IFRD2: variants seen among roughly 807,000 people sequenced by gnomAD.
IFRD2 encodes interferon related developmental regulator 2.
A neutral mutation model predicts 49.2 loss-of-function variants in IFRD2; 35 were observed. That is an observed-to-expected ratio of 0.71 (90% CI 0.54 to 0.94). The LOEUF (loss-of-function observed/expected upper bound fraction) is 0.94, where lower values mean the gene tolerates loss of function less well. Among genes scored for constraint, IFRD2 ranks in the 40% least tolerant of loss-of-function variants. The pLI is 0.00. For missense variants in IFRD2, 561 were observed against 591.6 expected (o/e 0.95, Z 0.54); for synonymous variants, 275 against 239.7 (o/e 1.15, Z -1.36).
chr3:50,288,123 G>T lies in IFRD2; in HGVS notation c.*68C>A. The stretch of plus-strand genomic sequence containing the variant: ...TGACAAATACTGGTGGAGACCAGTT[G>T]TTGCACTGTCTTCTGTTAAAAATAC... On this transcript the variant is annotated 3_prime_UTR_variant, in exon 12 of 12. Transcript: ENST00000417626. 1 of 1,305,488 alleles carries T rather than the reference G, an allele frequency of 7.7e-7. No individual in the cohort carries two copies. The highest frequency in any genetic ancestry group is 1.1e-6 in the Non-Finnish European group (1 of 913,218). 80.9% of individuals were successfully genotyped at this position (1,305,488 alleles called of 1,614,324 possible).
rs1253238028 is a variant in IFRD2, at chr3:50,291,556, G to C, written c.58+661C>G. Among the ~76,000 whole-genome samples, 3 of 152,128 alleles carry C rather than the reference G, an allele frequency of 2.0e-5. No homozygotes were observed. The East Asian group carries it at 5.8e-4, about 29-fold the overall frequency. On this transcript the variant is annotated intron_variant, in intron 1 of 11. Coordinates refer to ENST00000417626, the MANE Select transcript of IFRD2 (RefSeq NM_006764.5). ...CCCCCACCCAAAACCCACCATGGTG[G>C]TGACCAGTTTAAAGTTGTGCCTAGG...
In IFRD2 at chr3:50,289,261, G is replaced by T. The variant is rs368999385; in HGVS notation, c.879C>A (p.Asp293Glu). The T allele has an allele frequency of 5.5e-5, 87 of 1,573,166 alleles. No homozygotes were observed. The highest frequency in any genetic ancestry group is 6.8e-5 in the Non-Finnish European group (79 of 1,159,596). Residue 293 changes from aspartate (D) to glutamate (E), a missense_variant, in exon 8 of 12, where the codon GAC (aspartate) becomes GAA (glutamate). By Grantham distance (45) the Asp-to-Glu change is conservative. Transcript: ENST00000417626. ...CCATCCTTGTCCCTCGCACCTCAAG[G>T]TCCCGGGCAAGCTCAAAGAGCAGTG... is the stretch of plus-strand genomic sequence containing the variant. ...TIALLFELAR[D>E]LEEEFVYEDM...
In IFRD2 at chr3:50,289,099, G is replaced by A. The variant is rs1701618175; in HGVS notation, c.885+156C>T. The A allele has an allele frequency of 3.4e-6, 4 of 1,173,542 alleles. No homozygotes were observed. In the South Asian group the frequency reaches 4.4e-5, roughly 13 times the overall value. 72.7% of individuals were successfully genotyped at this position (1,173,542 alleles called of 1,614,324 possible). A position where few individuals can be genotyped will look rare whatever the true frequency, so the allele number is the denominator to read the frequency against. ...TGTCAGGCCAGGACACCACTGCTGA[G>A]GGCACCCATCATGACATCTAGGAGA... is the stretch of plus-strand genomic sequence containing the variant. On this transcript the variant is annotated intron_variant, in intron 8 of 11. Transcript: ENST00000417626.
chr3:50,292,207 C>T lies in IFRD2; in HGVS notation c.58+10G>A. The T allele has an allele frequency of 1.4e-6, 2 of 1,457,794 alleles. No individual in the cohort carries two copies. Among genetic ancestry groups the T allele is most frequent in the Non-Finnish European group, 1.8e-6 (2 of 1,106,598 alleles). 90.3% of individuals were successfully genotyped at this position (1,457,794 alleles called of 1,614,324 possible). On this transcript the variant is annotated intron_variant, in intron 1 of 11. Coordinates refer to ENST00000417626, the MANE Select transcript of IFRD2 (RefSeq NM_006764.5). Reference sequence around the variant, plus strand: ...TCATACAGCTGTCCCGCGCCCCCCACCCCACTCACCTCCTCCACGGCGCTG... The same window carrying T: ...TCATACAGCTGTCCCGCGCCCCCCATCCCACTCACCTCCTCCACGGCGCTG...
At position 50,292,390 on chromosome 3, in the gene IFRD2, A is replaced by ACGCCGCGCG; in HGVS notation, c.-117_-116insCGCGCGGCG. ...GACTTGGCCAGACGACGGGAGCCACACGCCACGCGCGCCACCATCTTCGCG... is the reference window on the plus strand; with the variant it reads ...GACTTGGCCAGACGACGGGAGCCACACGCCGCGCGCGCCACGCGCGCCACCATCTTCGCG... On this transcript the variant is annotated 5_prime_UTR_variant, in exon 1 of 12. Transcript: ENST00000417626. The ACGCCGCGCG allele has an allele frequency of 5.7e-6, 9 of 1,586,458 alleles. No homozygotes were observed. The highest frequency in any genetic ancestry group is 7.7e-6 in the Non-Finnish European group (9 of 1,172,152).
chr3:50,290,122 G>A (rs1553709526), intron 4 of IFRD2, 36 bp from the exon 5 acceptor site: 3 of 1,612,470 alleles, frequency 1.9e-6, no homozygotes, highest in East Asian at 2.2e-5. Context: ...ATGCAGCAAG[G>A]GCCAGTGTCT....
Position 50,290,620 on chromosome 3 carries a change from C to T in IFRD2, c.118G>A (p.Ala40Thr), listed in dbSNP as rs1553709659. ...GGGCATTCACTGGCGGTGCTGCGGG[C>T]CTCACTGGCTGCCTCATCGTCACTG... ...GSSDDEAASE[A>T]RSTASECPSL... The change falls in exon 2 of 12, where the codon GCC becomes ACC. Residue 40 changes from alanine to threonine, a missense_variant. By Grantham distance (58) the Ala-to-Thr change is moderately conservative. Transcript: ENST00000417626. The T allele has an allele frequency of 6.2e-7, 1 of 1,613,998 alleles. No individual in the cohort carries two copies. Among genetic ancestry groups the T allele is most frequent in the Admixed American group, 1.7e-5 (1 of 60,018 alleles).
Position 50,288,718 on chromosome 3 carries a change from G to T in IFRD2, c.1024-7C>A. The T allele has an allele frequency of 6.2e-7, 1 of 1,613,170 alleles. No individual in the cohort carries two copies. Among genetic ancestry groups the T allele is most frequent in the Non-Finnish European group, 8.5e-7 (1 of 1,179,548 alleles). On this transcript the variant is annotated splice_region_variant and splice_polypyrimidine_tract_variant and intron_variant, in intron 9 of 11. Transcript: ENST00000417626. The stretch of plus-strand genomic sequence containing the variant: ...CTTCTTCGCATTCACCGCCCTGCAG[G>T]GTAGAGGTGCCAACACAACTGGGCT...
Position 50,288,264 on chromosome 3 carries a change from T to C in IFRD2, c.1256A>G (p.Tyr419Cys). The change falls in exon 12 of 12, where the codon TAC becomes TGC. Residue 419 changes from tyrosine to cysteine, a missense_variant. Coordinates refer to ENST00000417626, the MANE Select transcript of IFRD2 (RefSeq NM_006764.5). Reference sequence around the variant, plus strand: ...CCGGGCTTTGAAGGCAGCAGCATTGTACAGGTGCTAGAGTGGGGACAGAGA... The same window carrying C: ...CCGGGCTTTGAAGGCAGCAGCATTGCACAGGTGCTAGAGTGGGGACAGAGA... ...CKVPRFEKHL[Y>C]NAAAFKARTK... The C allele has an allele frequency of 6.2e-7, 1 of 1,613,744 alleles. No individual in the cohort carries two copies. The highest frequency in any genetic ancestry group is 8.5e-7 in the Non-Finnish European group (1 of 1,179,762).
chr3:50,289,792 G>C, intron 5 of IFRD2, 30 bp from the exon 6 acceptor site: 1 of 1,591,470 alleles, frequency 6.3e-7, no homozygotes, highest in Non-Finnish European at 8.6e-7. Context: ...GCAATGCCAC[G>C]GTCAGCGGGT....
At position 50,289,266 on chromosome 3, in the gene IFRD2, G is replaced by A. The variant is rs781900032; in HGVS notation, c.874C>T (p.Arg292Trp). ...CTTGTCCCTCGCACCTCAAGGTCCCGGGCAAGCTCAAAGAGCAGTGCAATG... is the reference window on the plus strand; with the variant it reads ...CTTGTCCCTCGCACCTCAAGGTCCCAGGCAAGCTCAAAGAGCAGTGCAATG... Reference protein sequence around the residue: ...ETIALLFELARDLEEEFVYED... With the variant: ...ETIALLFELAWDLEEEFVYED... The change falls in exon 8 of 12, where the codon CGG (arginine) becomes TGG (tryptophan). Residue 292 changes from arginine (R) to tryptophan (W), a missense_variant. Physicochemically the swap from Arg to Trp is moderately radical, Grantham distance 101. Coordinates refer to ENST00000417626, the MANE Select transcript of IFRD2 (RefSeq NM_006764.5). 4.4e-6 allele frequency: 7 copies of A among 1,577,032 alleles called. No homozygotes were observed. Among genetic ancestry groups the A allele is most frequent in the East Asian group, 4.7e-5 (2 of 42,582 alleles).
chr3:50,289,924 C>G lies in IFRD2; in HGVS notation c.546+5G>C. ...AAGGGTTTCATGGGGCACAGGCACA[C>G]TCACGTGGAGCCGGGCAGCAGGGCT... On this transcript the variant is annotated splice_donor_5th_base_variant and intron_variant, in intron 5 of 11. Transcript: ENST00000417626. 1 of 1,612,988 alleles carries G rather than the reference C, an allele frequency of 6.2e-7. No homozygotes were observed. The highest frequency in any genetic ancestry group is 8.5e-7 in the Non-Finnish European group (1 of 1,179,550).
chr3:50,288,362 C>T lies in IFRD2; in HGVS notation c.1248+47G>A, dbSNP rs1222254405. The T allele has an allele frequency of 3.7e-6, 6 of 1,605,712 alleles. No homozygotes were observed. The African/African-American group carries it at 8.0e-5, about 21-fold the overall frequency. On this transcript the variant is annotated intron_variant, in intron 11 of 11. Transcript: ENST00000417626. ...CGGCCTCTACAGAATTCCAGGCCTC[C>T]AGGAAATGGGAATAGGGGGAAGAGA...
intron 1 of IFRD2, among the ~76,000 whole-genome samples, chr3:50,290,977 G>GCCT (rs1319609066): frequency 1.3e-5 from 2 of 150,238 alleles, no homozygotes; most frequent in Non-Finnish European, 3.0e-5. Flanking sequence ...ACAAAGTCCA[G>GCCT]CCTGCGCACT....
chr3:50,289,884 G>A (rs1553709484), intron 5 of IFRD2, 45 bp downstream of exon 5: 8 of 1,609,720 alleles, frequency 5.0e-6, no homozygotes, highest in Non-Finnish European at 6.8e-6. Flanking sequence ...ACTCTGCTGA[G>A]GGATAAGGTG....
At chr3:50,291,371 C>T (rs1701670064) in intron 1 of IFRD2, among the ~76,000 whole-genome samples, 1 of 152,048 alleles carries the variant, frequency 6.6e-6, no homozygotes, top group Non-Finnish European at 1.5e-5. Context: ...TCATTCACTC[C>T]ACTGCGCTGG....
rs1701588120 is a variant in IFRD2, at chr3:50,287,932, C to G, written c.*259G>C. 1 of 476,036 alleles carries G rather than the reference C, an allele frequency of 2.1e-6. No individual in the cohort carries two copies. The highest frequency in any genetic ancestry group is 2.7e-5 in the South Asian group (1 of 37,348). The allele number at this position is 476,036 out of a possible 1,614,324, so 29.5% of individuals were successfully genotyped here. The stretch of plus-strand genomic sequence containing the variant: ...AAGGAAGGGAAAGGCCCCCTAGTGC[C>G]TGCCCCACAGCCCTGAGGAAGGCAC... On this transcript the variant is annotated 3_prime_UTR_variant, in exon 12 of 12. Coordinates refer to ENST00000417626, the MANE Select transcript of IFRD2 (RefSeq NM_006764.5).
At position 50,288,151 on chromosome 3, in the gene IFRD2, A is replaced by C. The variant is rs1178570630; in HGVS notation, c.*40T>G. ...GCACTGTCTTCTGTTAAAAATACGGACCAAGGGCATAGAAAGTCTCCTCTT... is the reference window on the plus strand; with the variant it reads ...GCACTGTCTTCTGTTAAAAATACGGCCCAAGGGCATAGAAAGTCTCCTCTT... On this transcript the variant is annotated 3_prime_UTR_variant, in exon 12 of 12. Coordinates refer to ENST00000417626, the MANE Select transcript of IFRD2 (RefSeq NM_006764.5). 1.3e-6 allele frequency: 2 copies of C among 1,526,670 alleles called. No homozygotes were observed. The highest frequency in any genetic ancestry group is 1.8e-6 in the Non-Finnish European group (2 of 1,104,512). 94.6% of individuals were successfully genotyped at this position (1,526,670 alleles called of 1,614,324 possible).
At chr3:50,291,724 A>C (rs2109277961) in intron 1 of IFRD2, 1 of 159,050 alleles carries the variant, frequency 6.3e-6, no homozygotes, top group South Asian at 1.9e-4. Context: ...GTCTAAGCTG[A>C]TAAGCGAGTC....
Sources: allele counts gnomAD v4.1 joint callset (sites outside exome capture counted in the v4.1 genomes callset), GRCh38; gene constraint gnomAD v4.1.1; transcripts MANE v1.5; gene names NCBI Gene and HGNC (gene_info 2026-07-23, HGNC 2026-07-21).